The following CTNNA3 variants were observed in gnomAD, a reference collection of about 807,000 sequenced individuals.
The protein encoded by CTNNA3 is catenin alpha-3.
Under a neutral mutation model 95.7 loss-of-function variants are expected in CTNNA3, and 76 were observed. The observed-to-expected ratio is 0.79, with a 90% confidence interval of 0.66 to 0.96. CTNNA3 has a LOEUF of 0.96. Ranked by LOEUF, CTNNA3 falls within the 40% of genes least tolerant of loss-of-function variation. The pLI, the probability that CTNNA3 is intolerant of heterozygous loss-of-function variation, is 0.00. For synonymous variants in CTNNA3, 431 were observed against 374.4 expected (o/e 1.15, Z -1.74); for missense variants, 1,191 against 1,089.8 (o/e 1.09, Z -1.31).
At chr10:66,646,262 T>A (rs2132396814) in intron 9 of CTNNA3, among the ~76,000 whole-genome samples, 1 of 152,194 alleles carries the variant, frequency 6.6e-6, no homozygotes, top group South Asian at 2.1e-4. Flanking sequence ...GAATATCCAC[T>A]TGAACCATAC....
rs2092801220 is a variant in CTNNA3 at position 66,377,084 on chromosome 10, A to C, written c.1732+2068T>G. On this transcript the variant is annotated intron_variant, in intron 12 of 17. Transcript: ENST00000433211. ...CTTTTAGTAAGGCATGCTTTTCATA[A>C]ATTTCAAAGAAGGCTATTTGGAGAA... Among the ~76,000 whole-genome samples, 4 of 152,266 alleles carry C rather than the reference A, an allele frequency of 2.6e-5. No individual in the cohort carries two copies. The South Asian group carries it at 8.3e-4, about 32-fold the overall frequency.
chr10:67,744,337 G>A (rs1284415330), intron 1 of CTNNA3, among the ~76,000 whole-genome samples: 1 of 151,164 alleles, frequency 6.6e-6, no homozygotes, highest in Non-Finnish European at 1.5e-5. Flanking sequence ...AGAGCCCTCA[G>A]AAATAATGCC....
intron 10 of CTNNA3, among the ~76,000 whole-genome samples, chr10:66,615,699 A>C (rs1359856827): frequency 6.6e-6 from 1 of 151,942 alleles, no homozygotes; most frequent in Non-Finnish European, 1.5e-5. Flanking sequence ...ATATGAAAAA[A>C]AGCTAACTAC....
chr10:66,557,967 G>A (rs932544183), intron 10 of CTNNA3, among the ~76,000 whole-genome samples: 13 of 152,018 alleles, frequency 8.6e-5, no homozygotes, highest in African/African-American at 2.4e-4. Flanking sequence ...TTGAGTCTGT[G>A]GAGGTATTTC....
At chr10:66,084,898 T>C (rs1015711571) in intron 14 of CTNNA3, 8 of 152,154 alleles carry the variant, frequency 5.3e-5, no homozygotes, top group African/African-American at 1.9e-4. Flanking sequence ...TGAGATCTTA[T>C]AGGATAGGAG....
chr10:67,260,009 T>A (rs191633017), intron 5 of CTNNA3, among the ~76,000 whole-genome samples: 1 of 152,340 alleles, frequency 6.6e-6, no homozygotes, highest in East Asian at 1.9e-4. Context: ...CACAATTTCT[T>A]CAGCAGTCCT....
At chr10:67,051,205 C>A (rs1490445112) in intron 7 of CTNNA3, among the ~76,000 whole-genome samples, 1 of 152,158 alleles carries the variant, frequency 6.6e-6, no homozygotes, top group Middle Eastern at 3.2e-3. Context: ...TCCTCTAGTT[C>A]TCAGTCTGTC....
chr10:67,321,057 G>C (rs1215375362), intron 5 of CTNNA3, among the ~76,000 whole-genome samples: 1 of 152,138 alleles, frequency 6.6e-6, no homozygotes, highest in Non-Finnish European at 1.5e-5. Context: ...AAACCTGTAA[G>C]AATCTTGATT....
chr10:67,493,561 C>CAAAAAAAAA lies in CTNNA3; in HGVS notation c.579+28272_579+28280dup, dbSNP rs61570165. On this transcript the variant is annotated intron_variant, in intron 5 of 17. Transcript: ENST00000433211. Reference sequence around the variant, plus strand: ...TGGGTGACAGAGCGAGACTCTGTCTCAAAAAAAAAAAAAAAAGTTTGATTT... The same window carrying CAAAAAAAAA: ...TGGGTGACAGAGCGAGACTCTGTCTCAAAAAAAAAAAAAAAAAAAAAAAAAGTTTGATTT... Among the ~76,000 whole-genome samples, 28 of 94,146 alleles carry CAAAAAAAAA rather than the reference C, an allele frequency of 3.0e-4. 1 individual carries two copies. Among genetic ancestry groups the CAAAAAAAAA allele is most frequent in the African/African-American group, 6.9e-4 (22 of 31,696 alleles). The allele number at this position is 94,146 out of a possible 152,430, so 61.8% of individuals were successfully genotyped here.
At position 65,913,816 on chromosome 10, in the gene CTNNA3, C is replaced by T. The variant is rs1386804850; in HGVS notation, c.*6514G>A. On this transcript the variant is annotated 3_prime_UTR_variant, in exon 18 of 18. Coordinates refer to ENST00000433211, the MANE Select transcript of CTNNA3 (RefSeq NM_013266.4). ...GGTCAAGGAAATCCCTTAGTAGAAG[C>T]TCAACTCTCAGTGAATACCACAGAG... 1 of 152,092 alleles carries T rather than the reference C, an allele frequency of 6.6e-6. No individual in the cohort carries two copies. The highest frequency in any genetic ancestry group is 1.5e-5 in the Non-Finnish European group (1 of 68,020). 9.4% of individuals were successfully genotyped at this position (152,092 alleles called of 1,614,324 possible).
intron 11 of CTNNA3, among the ~76,000 whole-genome samples, chr10:66,394,112 A>T (rs1371507447): frequency 6.6e-6 from 1 of 152,178 alleles, no homozygotes; most frequent in South Asian, 2.1e-4. Flanking sequence ...ATTAATTTTC[A>T]TTGAGCATAA....
At chr10:67,448,574 C>T (rs1234819688) in intron 5 of CTNNA3, among the ~76,000 whole-genome samples, 1 of 151,716 alleles carries the variant, frequency 6.6e-6, no homozygotes, top group African/African-American at 2.4e-5. Context: ...AATAATAAAA[C>T]ATATCATTTA....
intron 13 of CTNNA3, among the ~76,000 whole-genome samples, chr10:66,189,129 C>A (rs994773901): frequency 3.9e-5 from 6 of 151,910 alleles, no homozygotes; most frequent in Non-Finnish European, 7.4e-5. Flanking sequence ...TACTAACACC[C>A]AATTAGATAT....
At position 67,186,257 on chromosome 10, in the gene CTNNA3, G is replaced by A. The variant is rs185997469; in HGVS notation, c.844-5737C>T. On this transcript the variant is annotated intron_variant, in intron 6 of 17. Transcript: ENST00000433211. Reference sequence around the variant, plus strand: ...GTAAGTACTGCAAGAAAAAACTGCCGTGATTTTTGGCAGTTCTGGCTTTTT... The same window carrying A: ...GTAAGTACTGCAAGAAAAAACTGCCATGATTTTTGGCAGTTCTGGCTTTTT... Among the ~76,000 whole-genome samples, 258 of 152,244 alleles carry A rather than the reference G, an allele frequency of 1.7e-3. 1 individual carries two copies. The highest frequency in any genetic ancestry group is 4.8e-3 in the African/African-American group (199 of 41,534).
intron 13 of CTNNA3, among the ~76,000 whole-genome samples, chr10:66,134,841 T>A (rs890151975): frequency 1.5e-5 from 1 of 65,642 alleles, no homozygotes; most frequent in African/African-American, 6.6e-5. Flanking sequence ...TCCTAATAGT[T>A]ATTAACAGAG....
chr10:66,781,102 G>A (rs530771941), intron 7 of CTNNA3, among the ~76,000 whole-genome samples: 1 of 136,566 alleles, frequency 7.3e-6, no homozygotes, highest in Non-Finnish European at 1.5e-5. Flanking sequence ...CAAACACTAA[G>A]AGATGAGGTT....
At chr10:66,086,286 A>T (rs2080981888) in intron 14 of CTNNA3, among the ~76,000 whole-genome samples, 1 of 152,212 alleles carries the variant, frequency 6.6e-6, no homozygotes, top group South Asian at 2.1e-4. Flanking sequence ...TAAGGCTTCA[A>T]TTAGTTAAGC....
chr10:67,429,262 T>A (rs2132891084), intron 5 of CTNNA3, among the ~76,000 whole-genome samples: 1 of 152,166 alleles, frequency 6.6e-6, no homozygotes, highest in African/African-American at 2.4e-5. Flanking sequence ...TTAAAATAGA[T>A]TAAGAATAAA....
At chr10:67,271,522 G>T (rs1463454592) in intron 5 of CTNNA3, among the ~76,000 whole-genome samples, 1 of 152,058 alleles carries the variant, frequency 6.6e-6, no homozygotes, top group African/African-American at 2.4e-5. Flanking sequence ...AAATTACCCA[G>T]TCCCAGGTAT....
Sources: gnomAD v4.1 joint callset for allele counts (sites outside exome capture counted in the v4.1 genomes callset) on GRCh38, gnomAD v4.1.1 for gene constraint, MANE v1.5 for transcripts, NCBI Gene and HGNC (gene_info 2026-07-23, HGNC 2026-07-21) for gene names.